Variants in PCSK5 observed in about 807,000 individuals in gnomAD.
PCSK5 encodes proprotein convertase subtilisin/kexin type 5.
In PCSK5, 129 loss-of-function variants were observed where a neutral mutation model predicts 233.2. The ratio of observed to expected loss-of-function variants is 0.55; its 90% CI spans 0.48 to 0.64. The LOEUF (loss-of-function observed/expected upper bound fraction) is 0.64. Among genes scored for constraint, PCSK5 ranks in the 30% least tolerant of loss-of-function variants. The pLI, the probability that PCSK5 is intolerant of heterozygous loss-of-function variation, is 0.00. For missense variants in PCSK5, 2,076 were observed against 2,430.1 expected, an observed-to-expected ratio of 0.85 and a Z score of 3.06; for synonymous variants, 825 against 879.2, an observed-to-expected ratio of 0.94 and a Z score of 1.09.
intron 10 of PCSK5, among the ~76,000 whole-genome samples, chr9:76,150,862 T>C (rs1823645090): frequency 6.6e-6 from 1 of 152,126 alleles, no homozygotes; most frequent in African/African-American, 2.4e-5. Context: ...AAGAAGTAAG[T>C]GTTTCTGGGA....
At chr9:76,231,612 T>TTTTG (rs749617334) in intron 21 of PCSK5, among the ~76,000 whole-genome samples, 5 of 152,204 alleles carry the variant, frequency 3.3e-5, no homozygotes, top group South Asian at 2.1e-4. Context: ...TTTTGGGTTT[T>TTTTG]TTTGTTTGTT....
intron 35 of PCSK5, among the ~76,000 whole-genome samples, chr9:76,338,908 T>C (rs577000685): frequency 6.6e-6 from 1 of 152,196 alleles, no homozygotes; most frequent in South Asian, 2.1e-4. Context: ...AAGTTCTCCT[T>C]GACTCTTCTC....
chr9:75,904,263 C>T (rs977404024), intron 1 of PCSK5, among the ~76,000 whole-genome samples: 2 of 152,168 alleles, frequency 1.3e-5, no homozygotes, highest in African/African-American at 4.8e-5. Context: ...GAGCCAGTCA[C>T]AGGTTTCCTT....
chr9:75,932,698 C>T (rs1587381161), intron 2 of PCSK5, among the ~76,000 whole-genome samples: 1 of 152,038 alleles, frequency 6.6e-6, no homozygotes, highest in African/African-American at 2.4e-5. Flanking sequence ...TGTAGAGTAG[C>T]CCAGGGGTAT....
At chr9:75,926,881 G>C (rs1428195082) in intron 1 of PCSK5, among the ~76,000 whole-genome samples, 3 of 152,054 alleles carry the variant, frequency 2.0e-5, no homozygotes, top group East Asian at 1.9e-4. Flanking sequence ...CCTATTGATG[G>C]ACATTTGCAT....
intron 3 of PCSK5, among the ~76,000 whole-genome samples, chr9:76,004,134 C>T (rs1827379130): frequency 6.6e-6 from 1 of 152,120 alleles, no homozygotes; most frequent in Non-Finnish European, 1.5e-5. Context: ...TAGAAGAGCT[C>T]CTCTGCCTTA....
chr9:76,333,201 AG>A (rs1829584788), intron 34 of PCSK5, among the ~76,000 whole-genome samples: 1 of 152,168 alleles, frequency 6.6e-6, no homozygotes, highest in African/African-American at 2.4e-5. Context: ...AATTTGGCAA[AG>A]GGTCTCAGCA....
At chr9:75,933,107 G>T (rs1000104472) in intron 2 of PCSK5, among the ~76,000 whole-genome samples, 3 of 152,168 alleles carry the variant, frequency 2.0e-5, no homozygotes, top group Non-Finnish European at 2.9e-5. Context: ...AAGCAAGCAT[G>T]CTATGCCTAG....
chr9:76,049,545 C>G (rs1432195230), intron 5 of PCSK5, among the ~76,000 whole-genome samples: 1 of 152,210 alleles, frequency 6.6e-6, no homozygotes, highest in Non-Finnish European at 1.5e-5. Context: ...CACTGCTTAT[C>G]TCTACTTCAG....
intron 3 of PCSK5, among the ~76,000 whole-genome samples, chr9:75,994,400 C>CTTTTTTTTT (rs550518074): frequency 3.9e-4 from 32 of 82,004 alleles, no homozygotes; most frequent in Non-Finnish European, 4.3e-4. Context: ...TTCTTTCTTT[C>CTTTTTTTTT]TTTTTTTTTT....
chr9:75,995,741 T>TCA (rs1156343841), intron 3 of PCSK5, among the ~76,000 whole-genome samples: 2 of 52,744 alleles, frequency 3.8e-5, no homozygotes, highest in Non-Finnish European at 7.8e-5. Flanking sequence ...CAGGATTCAT[T>TCA]CATACACACA....
chr9:76,331,488 A>C (rs528073339), intron 33 of PCSK5, among the ~76,000 whole-genome samples: 2 of 152,212 alleles, frequency 1.3e-5, no homozygotes, highest in African/African-American at 4.8e-5. Context: ...TAAAACGGTG[A>C]AACCCCGTCT....
At chr9:76,193,338 A>ACATTTCAAGGCTGAGCAGC (rs1564097543) in intron 20 of PCSK5, 1 of 1,611,140 alleles carries the variant, frequency 6.2e-7, no homozygotes, top group Admixed American at 1.7e-5. Context: ...CAAAACATGT[A>ACATTTCAAGGCTGAGCAGC]CATTTCAAGG....
At chr9:76,020,609 A>G (rs542844377) in intron 3 of PCSK5, among the ~76,000 whole-genome samples, 2 of 152,354 alleles carry the variant, frequency 1.3e-5, no homozygotes, top group South Asian at 2.1e-4. Context: ...ATAGTGATGT[A>G]TATAAAGAAA....
At position 76,025,983 on chromosome 9, in the gene PCSK5, G is replaced by T. The variant is rs115946302; in HGVS notation, c.556-978G>T. On this transcript the variant is annotated intron_variant, in intron 4 of 37. Transcript: ENST00000674117. ...CTGGGTGTGATGGCACCTGCCTGTAGTCTCACCTACTCAGGAGCTGAGGCA... is the reference window on the plus strand; with the variant it reads ...CTGGGTGTGATGGCACCTGCCTGTATTCTCACCTACTCAGGAGCTGAGGCA... Among the ~76,000 whole-genome samples, 353 of 152,110 alleles carry T rather than the reference G, an allele frequency of 2.3e-3. 6 individuals are homozygous for T. Among genetic ancestry groups the T allele is most frequent in the African/African-American group, 8.2e-3 (341 of 41,482 alleles).
chr9:75,950,817 A>G (rs1193384108), intron 2 of PCSK5, among the ~76,000 whole-genome samples: 1 of 152,256 alleles, frequency 6.6e-6, no homozygotes, highest in Non-Finnish European at 1.5e-5. Flanking sequence ...TCATAATGAC[A>G]GGATCAAATT....
intron 24 of PCSK5, among the ~76,000 whole-genome samples, chr9:76,260,629 C>T (rs778268159): frequency 3.9e-5 from 6 of 152,240 alleles, no homozygotes; most frequent in Non-Finnish European, 7.4e-5. Flanking sequence ...TGCAAAGAAC[C>T]GAATTCTGTC....
intron 24 of PCSK5, among the ~76,000 whole-genome samples, chr9:76,279,740 G>A (rs1267025703): frequency 1.3e-4 from 19 of 151,846 alleles, no homozygotes; most frequent in Middle Eastern, 3.4e-3. Flanking sequence ...CATGTCCTTC[G>A]CCCACTTTTT....
chr9:76,247,047 G>C (rs1826630038), intron 24 of PCSK5, among the ~76,000 whole-genome samples: 2 of 152,188 alleles, frequency 1.3e-5, no homozygotes, highest in South Asian at 4.1e-4. Flanking sequence ...GAGAACCGTG[G>C]AACCCAGTGA....
Sources: allele counts gnomAD v4.1 joint callset (sites outside exome capture counted in the v4.1 genomes callset), GRCh38; gene constraint gnomAD v4.1.1; transcripts MANE v1.5; gene names NCBI Gene and HGNC (gene_info 2026-07-23, HGNC 2026-07-21).